CNTLN: variants seen among roughly 807,000 people sequenced by gnomAD.
The protein encoded by CNTLN is centlein.
A neutral mutation model predicts 180.0 loss-of-function variants in CNTLN; 212 were observed. The observed-to-expected ratio is 1.18, with a 90% CI of 1.05 to 1.32. CNTLN has a LOEUF of 1.32. Ranked by LOEUF, CNTLN falls within the 40% of genes most tolerant of loss-of-function variation. The pLI is 0.00. For missense variants in CNTLN, 2,095 were observed against 1,610.9 expected, an observed-to-expected ratio of 1.30 and a Z score of -5.14; for synonymous variants, 722 against 563.1, an observed-to-expected ratio of 1.28 and a Z score of -3.99.
In CNTLN at chr9:17,394,608, A is replaced by G; in HGVS notation, c.2154A>G (p.Leu718=). 1.3e-6 allele frequency: 2 copies of G among 1,596,328 alleles called. No homozygotes were observed. Among genetic ancestry groups the G allele is most frequent in the Non-Finnish European group, 8.5e-7 (1 of 1,175,478 alleles). The part of the protein sequence containing the change: ...SRKLKEGNKK[L]MKENDFLKSL... ...AATTAAAAGAAGGGAATAAAAAATTAATGAAAGAAAATGATTTTCTGAAAT... is the reference window on the plus strand; with the variant it reads ...AATTAAAAGAAGGGAATAAAAAATTGATGAAAGAAAATGATTTTCTGAAAT... Residue 718 remains leucine (L), a synonymous_variant, in exon 15 of 26, where the codon TTA becomes TTG. Transcript: ENST00000380647.
intron 6 of CNTLN, among the ~76,000 whole-genome samples, chr9:17,297,613 T>G (rs188983331): frequency 3.3e-5 from 5 of 152,286 alleles, no homozygotes; most frequent in Non-Finnish European, 7.3e-5. Context: ...AAGGACTGGA[T>G]TTTTCTTGTG....
intron 2 of CNTLN, among the ~76,000 whole-genome samples, chr9:17,160,603 T>A (rs1392409996): frequency 6.6e-6 from 1 of 152,212 alleles, no homozygotes. Context: ...TCTCAGTAGC[T>A]CAGCTCTGAA....
intron 18 of CNTLN, among the ~76,000 whole-genome samples, chr9:17,431,520 C>T (rs1281107773): frequency 2.6e-5 from 4 of 151,978 alleles, no homozygotes; most frequent in African/African-American, 9.7e-5. Context: ...GTTTCCATTG[C>T]TGTGCAGAAG....
intron 18 of CNTLN, among the ~76,000 whole-genome samples, chr9:17,436,289 A>G (rs1250747178): frequency 6.6e-6 from 1 of 152,216 alleles, no homozygotes; most frequent in Non-Finnish European, 1.5e-5. Flanking sequence ...AGATCCAGCT[A>G]AATTCTGCAG....
chr9:17,352,408 ATATATATATT>A (rs200056524), intron 12 of CNTLN, among the ~76,000 whole-genome samples: 8,560 of 45,218 alleles, frequency 0.19, 576 homozygotes, highest in East Asian at 0.57. Context: ...ATATATATAT[ATATATATATT>A]TTTTTTTTTT....
At chr9:17,281,186 A>T (rs947586228) in intron 6 of CNTLN, among the ~76,000 whole-genome samples, 3 of 151,774 alleles carry the variant, frequency 2.0e-5, no homozygotes, top group African/African-American at 4.8e-5. Context: ...TGAGAGGTAT[A>T]CTCTTCCTCT....
intron 5 of CNTLN, among the ~76,000 whole-genome samples, chr9:17,248,106 G>A (rs1022286975): frequency 4.6e-5 from 7 of 152,152 alleles, no homozygotes; most frequent in African/African-American, 7.2e-5. Flanking sequence ...TTACATAGGC[G>A]TGAGCCACTG....
At chr9:17,255,905 T>C (rs1826453683) in intron 5 of CNTLN, among the ~76,000 whole-genome samples, 1 of 151,954 alleles carries the variant, frequency 6.6e-6, no homozygotes, top group Admixed American at 6.6e-5. Flanking sequence ...GGATTGTATA[T>C]ACTTCCTTTG....
chr9:17,371,378 A>G (rs1192686819), intron 13 of CNTLN, among the ~76,000 whole-genome samples: 1 of 152,202 alleles, frequency 6.6e-6, no homozygotes, highest in Non-Finnish European at 1.5e-5. Flanking sequence ...GACAAAGGTC[A>G]TTATATAATG....
At chr9:17,338,416 G>A (rs1821223442) in intron 10 of CNTLN, among the ~76,000 whole-genome samples, 1 of 128,378 alleles carries the variant, frequency 7.8e-6, no homozygotes, top group South Asian at 2.5e-4. Context: ...CAAGTGGTTT[G>A]TCTGGCTCGG....
At chr9:17,271,207 C>T (rs1325561801) in intron 5 of CNTLN, among the ~76,000 whole-genome samples, 3 of 152,056 alleles carry the variant, frequency 2.0e-5, no homozygotes, top group African/African-American at 7.2e-5. Flanking sequence ...TCCCAAAGTG[C>T]TGGGATTACA....
intron 2 of CNTLN, among the ~76,000 whole-genome samples, chr9:17,173,767 T>G (rs887556652): frequency 8.5e-5 from 13 of 152,226 alleles, no homozygotes; most frequent in African/African-American, 2.7e-4. Flanking sequence ...AGCCATTTTT[T>G]AAAAATTAAA....
intron 18 of CNTLN, among the ~76,000 whole-genome samples, chr9:17,420,366 T>C (rs2133916663): frequency 6.6e-6 from 1 of 152,336 alleles, no homozygotes; most frequent in East Asian, 1.9e-4. Context: ...TTGGTGACAG[T>C]AGCCACTAAC....
chr9:17,322,231 A>T (rs1819963897), intron 8 of CNTLN, among the ~76,000 whole-genome samples: 1 of 152,160 alleles, frequency 6.6e-6, no homozygotes, highest in Non-Finnish European at 1.5e-5. Context: ...GCAGTAAAAT[A>T]TAATGTTATG....
At chr9:17,360,977 C>G (rs929316457) in intron 12 of CNTLN, among the ~76,000 whole-genome samples, 1 of 152,120 alleles carries the variant, frequency 6.6e-6, no homozygotes, top group Non-Finnish European at 1.5e-5. Context: ...TGTATCCTTA[C>G]TTATTTCTGT....
At chr9:17,297,263 C>T (rs1337394525) in intron 6 of CNTLN, among the ~76,000 whole-genome samples, 2 of 152,078 alleles carry the variant, frequency 1.3e-5, no homozygotes, top group East Asian at 1.9e-4. Context: ...TTTGGATGTG[C>T]ATAGATTATA....
At chr9:17,159,968 C>T (rs1819563354) in intron 2 of CNTLN, among the ~76,000 whole-genome samples, 1 of 152,114 alleles carries the variant, frequency 6.6e-6, no homozygotes. Flanking sequence ...TGTTTTAAAA[C>T]TGCTCAATTT....
intron 6 of CNTLN, among the ~76,000 whole-genome samples, chr9:17,286,666 T>G (rs1829000704): frequency 8.1e-6 from 1 of 124,018 alleles, no homozygotes; most frequent in Non-Finnish European, 1.6e-5. Flanking sequence ...TTTGTTTGTA[T>G]CCTCTTTTAT....
intron 16 of CNTLN, among the ~76,000 whole-genome samples, chr9:17,413,275 C>G (rs757212667): frequency 8.5e-5 from 13 of 152,092 alleles, no homozygotes; most frequent in Non-Finnish European, 1.5e-4. Flanking sequence ...TGAGGTGGCT[C>G]ACATATAAAT....
Sources: gnomAD v4.1 joint callset for allele counts (sites outside exome capture counted in the v4.1 genomes callset) on GRCh38, gnomAD v4.1.1 for gene constraint, MANE v1.5 for transcripts, NCBI Gene and HGNC (gene_info 2026-07-23, HGNC 2026-07-21) for gene names.